KCNJ18: variants seen among roughly 807,000 people sequenced by gnomAD.
The protein encoded by KCNJ18 is potassium inwardly rectifying channel subfamily J member 18, also known as inward rectifier potassium channel 18.
KCNJ18 carries 16 observed loss-of-function variants against 17.3 expected under a neutral mutation model. The observed-to-expected ratio is 0.92, with a 90% CI of 0.62 to 1.40. KCNJ18 has a LOEUF of 1.40. Ranked by LOEUF, KCNJ18 falls within the 40% of genes most tolerant of loss-of-function variation. KCNJ18 has a pLI of 0.00. For missense variants in KCNJ18, 462 were observed against 626.8 expected (o/e 0.74, Z 2.81); for synonymous variants, 185 against 262.6 (o/e 0.70, Z 2.86).
At chr17:21,695,459 A>G (rs1905733134) in intron 1 of KCNJ18, among the ~76,000 whole-genome samples, 1 of 151,998 alleles carries the variant, frequency 6.6e-6, no homozygotes, top group African/African-American at 2.4e-5. Flanking sequence ...CCATCCTTCC[A>G]TCCATCCATC....
chr17:21,702,340 C>G (rs1299646871), intron 2 of KCNJ18, among the ~76,000 whole-genome samples: 3 of 152,034 alleles, frequency 2.0e-5, no homozygotes, highest in Non-Finnish European at 2.9e-5. Context: ...TCAGCTTCCA[C>G]AGGCCCTCTG....
intron 1 of KCNJ18, among the ~76,000 whole-genome samples, chr17:21,695,306 C>G (rs1297525102): frequency 6.6e-6 from 1 of 151,800 alleles, no homozygotes; most frequent in Non-Finnish European, 1.5e-5. Context: ...AGCCATCCAC[C>G]CTCACACCCA....
intron 2 of KCNJ18, among the ~76,000 whole-genome samples, 175 bp downstream of exon 2, chr17:21,696,279 A>C: frequency 4.0e-5 from 5 of 126,344 alleles, no homozygotes; most frequent in African/African-American, 6.2e-5. Context: ...CCCTCCATCC[A>C]TCCCCTCGCC....
rs1329428464 is a variant in KCNJ18 at position 21,703,894 on chromosome 17, C to T, written c.1108C>T (p.Pro370Ser). 1 of 1,612,812 alleles carries T rather than the reference C, an allele frequency of 6.2e-7. No individual in the cohort carries two copies. The highest frequency in any genetic ancestry group is 8.5e-7 in the Non-Finnish European group (1 of 1,180,036). ...KDLVENKFLL[P>S]SANSFCYENE... ...TCTGGTAGAGAACAAGTTCCTGCTG[C>T]CCAGTGCCAACTCCTTCTGCTATGA... is the stretch of plus-strand genomic sequence containing the variant. The change falls in exon 3 of 3, where the codon CCC becomes TCC. Residue 370 changes from proline (P) to serine (S), a missense_variant. Transcript: ENST00000567955.
chr17:21,694,400 G>A (rs1267368658), intron 1 of KCNJ18, among the ~76,000 whole-genome samples: 131 of 152,092 alleles, frequency 8.6e-4, no homozygotes, highest in Non-Finnish European at 6.6e-4. Flanking sequence ...CTTTGGGATT[G>A]CAGGGACCAT....
intron 1 of KCNJ18, among the ~76,000 whole-genome samples, chr17:21,695,764 T>C (rs1304181007): frequency 1.3e-5 from 2 of 152,312 alleles, no homozygotes; most frequent in East Asian, 3.8e-4. Context: ...CATTTTTCTC[T>C]GACACTCCAT....
chr17:21,693,394 A>G (rs1440697473), intron 1 of KCNJ18, among the ~76,000 whole-genome samples: 1 of 152,304 alleles, frequency 6.6e-6, no homozygotes, highest in East Asian at 1.9e-4. Context: ...GGAGTGAGGG[A>G]CGAGGTTGGG....
chr17:21,695,178 ACCAT>A (rs1340179190), intron 1 of KCNJ18, among the ~76,000 whole-genome samples: 4 of 148,460 alleles, frequency 2.7e-5, no homozygotes, highest in African/African-American at 5.0e-5. Context: ...CATCTATCCA[ACCAT>A]CCATCCATCC....
In KCNJ18 at chr17:21,703,629, C is replaced by T. The variant is rs1320716221; in HGVS notation, c.843C>T (p.Phe281=). 8.7e-6 allele frequency: 14 copies of T among 1,610,326 alleles called. No individual in the cohort carries two copies. Among genetic ancestry groups the T allele is most frequent in the Middle Eastern group, 1.6e-4 (1 of 6,066 alleles). ...LHEIDEASPL[F]GISRQDLETD... is the part of the protein sequence containing the mutation. ...AAATTGACGAGGCCAGCCCGCTCTT[C>T]GGCATCAGCCGGCAGGACCTGGAGA... Residue 281 remains phenylalanine, a synonymous_variant, in exon 3 of 3, where the codon TTC becomes TTT. Coordinates refer to ENST00000567955, the MANE Select transcript of KCNJ18 (RefSeq NM_001194958.2).
intron 2 of KCNJ18, among the ~76,000 whole-genome samples, chr17:21,702,110 G>A (rs1167555013): frequency 5.9e-5 from 9 of 152,328 alleles, no homozygotes; most frequent in Admixed American, 5.9e-4. Flanking sequence ...GGCACAAGGA[G>A]GCCTCTGGTG....
Position 21,703,020 on chromosome 17 carries a change from C to G in KCNJ18, c.234C>G (p.Ile78Met). The change falls in exon 3 of 3, where the codon ATC (isoleucine) becomes ATG (methionine). Residue 78 changes from isoleucine (I) to methionine (M), a missense_variant. Physicochemically the swap from Ile to Met is conservative, Grantham distance 10 (BLOSUM62 1). This residue lies in a region of KCNJ18 where 237 missense variants were observed against 259.4 expected (regional missense o/e 0.91). Transcript: ENST00000567955. ...LADMFTTCVD[I>M]RWRYMLLIFS... ...ACATGTTCACCACCTGTGTGGACAT[C>G]CGCTGGCGCTACATGCTGCTCATCT... 1 of 1,612,706 alleles carries G rather than the reference C, an allele frequency of 6.2e-7. No homozygotes were observed. Among genetic ancestry groups the G allele is most frequent in the Non-Finnish European group, 8.5e-7 (1 of 1,179,662 alleles).
At position 21,704,148 on chromosome 17, in the gene KCNJ18, C is replaced by T; in HGVS notation, c.*60C>T. ...GCCGGGGAGAGGCCCCGCGGTCGCT[C>T]AGGGGCCCTGGGTTTGAGCAGAACG... On this transcript the variant is annotated 3_prime_UTR_variant, in exon 3 of 3. Coordinates refer to ENST00000567955, the MANE Select transcript of KCNJ18 (RefSeq NM_001194958.2). The T allele has an allele frequency of 6.8e-7, 1 of 1,465,002 alleles. No homozygotes were observed. Among genetic ancestry groups the T allele is most frequent in the Non-Finnish European group, 9.0e-7 (1 of 1,107,714 alleles). The allele number at this position is 1,465,002 out of a possible 1,614,324, so 90.8% of individuals were successfully genotyped here.
At chr17:21,699,883 A>G (rs1905884811) in intron 2 of KCNJ18, among the ~76,000 whole-genome samples, 1 of 152,212 alleles carries the variant, frequency 6.6e-6, no homozygotes, top group Non-Finnish European at 1.5e-5. Flanking sequence ...AATTCTTGTG[A>G]TTCTGTTCCT....
At chr17:21,697,045 G>A (rs1905779568) in intron 2 of KCNJ18, among the ~76,000 whole-genome samples, 1 of 152,286 alleles carries the variant, frequency 6.6e-6, no homozygotes, top group African/African-American at 2.4e-5. Context: ...CCTCCCAGGG[G>A]CAGCTTGCTG....
Position 21,703,301 on chromosome 17 carries a change from T to A in KCNJ18, c.515T>A (p.Ile172Asn). ...GCCCAGTCCATCGTGGGCTGCATCA[T>A]CGACTCCTTCATGATTGGTGCCATC... is the stretch of plus-strand genomic sequence containing the variant. ...VVAQSIVGCI[I>N]DSFMIGAIMA... is the part of the protein sequence containing the mutation. Residue 172 changes from isoleucine (I) to asparagine (N), a missense_variant, in exon 3 of 3, where the codon ATC becomes AAC. Physicochemically the swap from Ile to Asn is moderately radical, Grantham distance 149 (BLOSUM62 -3). Transcript: ENST00000567955. The A allele has an allele frequency of 6.2e-7, 1 of 1,608,534 alleles. No individual in the cohort carries two copies. The highest frequency in any genetic ancestry group is 8.5e-7 in the Non-Finnish European group (1 of 1,177,020).
chr17:21,703,250 G>T lies in KCNJ18; in HGVS notation c.464G>T (p.Cys155Phe). The change falls in exon 3 of 3, where the codon TGC (cysteine) becomes TTC (phenylalanine). Residue 155 changes from cysteine (C) to phenylalanine (F), a missense_variant. Physicochemically the swap from Cys to Phe is radical, Grantham distance 205 (BLOSUM62 -2). This residue lies in a region of KCNJ18 where 237 missense variants were observed against 259.4 expected (regional missense o/e 0.91). Coordinates refer to ENST00000567955, the MANE Select transcript of KCNJ18 (RefSeq NM_001194958.2). The part of the protein sequence containing the change: ...GYGLRCVTEE[C>F]LVAVFMVVAQ... ...GGGCTGCGCTGTGTGACGGAGGAGT[G>T]CCTGGTGGCCGTCTTCATGGTGGTG... 6.2e-7 allele frequency: 1 copy of T among 1,610,476 alleles called. No individual in the cohort carries two copies. Among genetic ancestry groups the T allele is most frequent in the Non-Finnish European group, 8.5e-7 (1 of 1,178,630 alleles).
intron 2 of KCNJ18, among the ~76,000 whole-genome samples, chr17:21,699,757 C>A (rs1269900721): frequency 6.6e-6 from 1 of 152,138 alleles, no homozygotes; most frequent in Admixed American, 6.5e-5. Flanking sequence ...GTCTGGGGTG[C>A]CCAGCCCTGG....
chr17:21,694,941 A>G (rs1473733614), intron 1 of KCNJ18, among the ~76,000 whole-genome samples: 245 of 151,344 alleles, frequency 1.6e-3, no homozygotes, highest in African/African-American at 5.8e-3. Flanking sequence ...CCATCCACTC[A>G]TTCACTCACC....
At chr17:21,696,798 C>T (rs1166773622) in intron 2 of KCNJ18, among the ~76,000 whole-genome samples, 2 of 152,028 alleles carry the variant, frequency 1.3e-5, no homozygotes, top group African/African-American at 4.8e-5. Context: ...TGGTGTACAG[C>T]ATCCAGGAGG....
Sources: gnomAD v4.1 joint callset for allele counts (sites outside exome capture counted in the v4.1 genomes callset) on GRCh38, gnomAD v4.1.1 for gene constraint, gnomAD v4.1.1 regional missense constraint, MANE v1.5 for transcripts, NCBI Gene and HGNC (gene_info 2026-07-23, HGNC 2026-07-21) for gene names.